Variants in DDAH1 observed in about 807,000 individuals in gnomAD.
DDAH1 encodes the protein N(G),N(G)-dimethylarginine dimethylaminohydrolase 1.
Under a neutral mutation model 28.8 loss-of-function variants are expected in DDAH1, and 19 were observed. That is an observed-to-expected ratio of 0.66 (90% CI 0.46 to 0.97). The LOEUF is 0.97. Ranked by LOEUF, DDAH1 falls within the 50% of genes least tolerant of loss-of-function variation. The probability of loss-of-function intolerance (pLI) is 0.00; values close to 1 mark genes in which losing one functional copy is unlikely to be tolerated. For missense variants in DDAH1, 326 were observed against 375.9 expected, an observed-to-expected ratio of 0.87 and a Z score of 1.10; for synonymous variants, 153 against 154.4, an observed-to-expected ratio of 0.99 and a Z score of 0.07.
chr1:85,454,703 A>G lies in DDAH1; in HGVS notation c.303+10040T>C, dbSNP rs920121000. Among the ~76,000 whole-genome samples the G allele has an allele frequency of 2.0e-5, 3 of 152,324 alleles. No homozygotes were observed. In the South Asian group the frequency reaches 6.2e-4, roughly 32 times the overall value. Reference sequence around the variant, plus strand: ...CAGTACACTCTGACATTTTCTACTGATTCTATTACAATAAAAATGAAAGAT... The same window carrying G: ...CAGTACACTCTGACATTTTCTACTGGTTCTATTACAATAAAAATGAAAGAT... On this transcript the variant is annotated intron_variant, in intron 1 of 5. Coordinates refer to ENST00000284031, the MANE Select transcript of DDAH1 (RefSeq NM_012137.4).
chr1:85,467,986 G>C (rs537594786), upstream of DDAH1, among the ~76,000 whole-genome samples: 1 of 152,280 alleles, frequency 6.6e-6, no homozygotes, highest in East Asian at 1.9e-4. Flanking sequence ...ATGGTGGGTG[G>C]GAGTGGAAGA....
At chr1:85,427,755 C>G (rs1268692862) in intron 1 of DDAH1, among the ~76,000 whole-genome samples, 1 of 152,154 alleles carries the variant, frequency 6.6e-6, no homozygotes, top group Non-Finnish European at 1.5e-5. Flanking sequence ...GAAAAACTTG[C>G]ATTAGGAGCC....
rs563951913 is a variant in DDAH1 at position 85,365,602 on chromosome 1, T to C, written c.304-6755A>G. The stretch of plus-strand genomic sequence containing the variant: ...TAAATAGTGAGGTTACCAAAGCATA[T>C]GGATATGCAGACACACTCCAAACCA... On this transcript the variant is annotated intron_variant, in intron 1 of 5. Coordinates refer to ENST00000284031, the MANE Select transcript of DDAH1 (RefSeq NM_012137.4). 3.9e-5 allele frequency among the ~76,000 whole-genome samples: 6 copies of C among 152,308 alleles called. No individual in the cohort carries two copies. The South Asian group carries it at 8.3e-4, about 21-fold the overall frequency.
At chr1:85,511,868 A>G (rs1657247573) in intron 1 of DDAH1, among the ~76,000 whole-genome samples, 1 of 152,220 alleles carries the variant, frequency 6.6e-6, no homozygotes, top group Non-Finnish European at 1.5e-5. Flanking sequence ...TAGCCTACCA[A>G]CCAAAAAAAG....
chr1:85,556,834 TG>T (rs1412234253), intron 1 of DDAH1, among the ~76,000 whole-genome samples: 1 of 152,140 alleles, frequency 6.6e-6, no homozygotes, highest in Non-Finnish European at 1.5e-5. Context: ...AGAATAAAAG[TG>T]GCTGGGCATA....
At chr1:85,426,422 C>A (rs1395196145) in intron 1 of DDAH1, among the ~76,000 whole-genome samples, 2 of 152,204 alleles carry the variant, frequency 1.3e-5, no homozygotes, top group Admixed American at 1.3e-4. Context: ...TAAGTCCTTG[C>A]ACTCAGAAGT....
chr1:85,355,177 C>T (rs201164220), intron 2 of DDAH1, among the ~76,000 whole-genome samples: 8 of 152,146 alleles, frequency 5.3e-5, no homozygotes, highest in East Asian at 3.9e-4. Flanking sequence ...GAAAATGGAA[C>T]GCATCAAAAC....
chr1:85,545,155 G>T (rs1658583709), intron 1 of DDAH1, among the ~76,000 whole-genome samples: 1 of 152,084 alleles, frequency 6.6e-6, no homozygotes, highest in Admixed American at 6.6e-5. Context: ...ATGAAGCAGA[G>T]CCAGGACGTG....
intron 1 of DDAH1, among the ~76,000 whole-genome samples, chr1:85,521,363 G>C (rs1169281081): frequency 2.6e-5 from 4 of 151,608 alleles, no homozygotes. Context: ...ATTCTTACCA[G>C]TGTTGTTTCA....
intron 1 of DDAH1, among the ~76,000 whole-genome samples, chr1:85,504,961 C>CTTTTTTTTTT (rs61209793): frequency 1.6e-5 from 1 of 60,778 alleles, no homozygotes; most frequent in African/African-American, 7.2e-5. Flanking sequence ...CTCAATGATT[C>CTTTTTTTTTT]TTTTTTTTTT....
chr1:85,466,127 G>A (rs1227655710), upstream of DDAH1, among the ~76,000 whole-genome samples: 2 of 152,262 alleles, frequency 1.3e-5, no homozygotes, highest in African/African-American at 4.8e-5. Flanking sequence ...GAGCATCCTA[G>A]AATGGTTGCC....
intron 4 of DDAH1, among the ~76,000 whole-genome samples, chr1:85,330,803 G>A (rs1042429107): frequency 1.3e-5 from 2 of 152,168 alleles, no homozygotes; most frequent in South Asian, 2.1e-4. Context: ...TTTATGGTAC[G>A]CCCCCTTCGG....
chr1:85,541,025 G>T (rs1014641464), intron 1 of DDAH1, among the ~76,000 whole-genome samples: 1 of 150,292 alleles, frequency 6.7e-6, no homozygotes, highest in African/African-American at 2.4e-5. Context: ...CTATCATTTG[G>T]ATGACTAATC....
chr1:85,335,229 C>G (rs760256137), intron 4 of DDAH1, among the ~76,000 whole-genome samples: 2 of 152,068 alleles, frequency 1.3e-5, no homozygotes, highest in Non-Finnish European at 1.5e-5. Flanking sequence ...TATAAAACAT[C>G]CAGAAAACCA....
chr1:85,423,011 C>T (rs1008597013), intron 1 of DDAH1, among the ~76,000 whole-genome samples: 4 of 152,186 alleles, frequency 2.6e-5, no homozygotes, highest in Admixed American at 2.6e-4. Context: ...CAATCTATGG[C>T]ATTTTGTTAT....
chr1:85,348,915 C>CCAGAAGAAGT (rs1460583084), intron 4 of DDAH1, among the ~76,000 whole-genome samples: 1 of 152,072 alleles, frequency 6.6e-6, no homozygotes, highest in Non-Finnish European at 1.5e-5. Context: ...GTTGGTCCAC[C>CCAGAAGAAGT]CAGAAGAAGT....
At chr1:85,519,648 A>T (rs1428001341) in intron 1 of DDAH1, among the ~76,000 whole-genome samples, 6 of 152,218 alleles carry the variant, frequency 3.9e-5, no homozygotes, top group Admixed American at 1.3e-4. Flanking sequence ...TGCTAAAAAC[A>T]ATCTTAAACT....
At chr1:85,528,728 C>T (rs1410088266) in intron 1 of DDAH1, among the ~76,000 whole-genome samples, 1 of 152,168 alleles carries the variant, frequency 6.6e-6, no homozygotes, top group Non-Finnish European at 1.5e-5. Flanking sequence ...GTAATCTCAG[C>T]ACTTTTGGAG....
chr1:85,480,199 G>A (rs763917527), intron 2 of DDAH1, among the ~76,000 whole-genome samples: 4 of 152,124 alleles, frequency 2.6e-5, no homozygotes, highest in Non-Finnish European at 4.4e-5. Flanking sequence ...ACTGTTAGCA[G>A]TTCCCCATCC....
Sources: gnomAD v4.1 joint callset for allele counts (sites outside exome capture counted in the v4.1 genomes callset) on GRCh38, gnomAD v4.1.1 for gene constraint, MANE v1.5 for transcripts, NCBI Gene and HGNC (gene_info 2026-07-23, HGNC 2026-07-21) for gene names.